CYP19A1: variants seen among roughly 807,000 people sequenced by gnomAD.
CYP19A1 encodes the protein cytochrome P450 family 19 subfamily A member 1.
CYP19A1 carries 32 observed loss-of-function variants against 44.4 expected under a neutral mutation model. The ratio of observed to expected loss-of-function variants is 0.72; its 90% confidence interval spans 0.54 to 0.97. The LOEUF (loss-of-function observed/expected upper bound fraction) is 0.97. CYP19A1 is among the 50% of genes least tolerant of loss of function. The pLI is 0.00. For missense variants in CYP19A1, 598 were observed against 637.8 expected, an observed-to-expected ratio of 0.94 and a Z score of 0.67; for synonymous variants, 212 against 215.6, an observed-to-expected ratio of 0.98 and a Z score of 0.14.
chr15:51,278,621 A>G (rs1423547285), intron 1 of CYP19A1, among the ~76,000 whole-genome samples: 2 of 152,250 alleles, frequency 1.3e-5, no homozygotes, highest in African/African-American at 4.8e-5. Flanking sequence ...ATCCGAAGTG[A>G]TCTTAGCCTT....
chr15:51,244,442 T>C (rs775694001), intron 1 of CYP19A1, among the ~76,000 whole-genome samples: 5 of 152,226 alleles, frequency 3.3e-5, no homozygotes, highest in Admixed American at 2.0e-4. Context: ...CACATTGTGC[T>C]TATGTTGAGC....
At position 51,306,596 on chromosome 15, in the gene CYP19A1, C is replaced by T. The variant is rs143365677; in HGVS notation, c.-39+31899G>A. On this transcript the variant is annotated intron_variant, in intron 1 of 9. Coordinates refer to ENST00000396402, the MANE Select transcript of CYP19A1 (RefSeq NM_000103.4). ...AAGGGCCCTAAATCCCCACTGGAAA[C>T]ATTTTTAATGACAAAGTTATCTTTA... Among the ~76,000 whole-genome samples the T allele has an allele frequency of 2.9e-3, 448 of 152,228 alleles. 3 individuals are homozygous for T. Among genetic ancestry groups the T allele is most frequent in the African/African-American group, 0.01 (430 of 41,556 alleles).
chr15:51,231,448 T>C (rs2033025975), intron 3 of CYP19A1, among the ~76,000 whole-genome samples: 2 of 152,248 alleles, frequency 1.3e-5, no homozygotes, highest in Admixed American at 1.3e-4. Context: ...AAAAAATTAC[T>C]GTCAATCATT....
At chr15:51,272,207 G>A (rs567572713) in intron 1 of CYP19A1, among the ~76,000 whole-genome samples, 18 of 151,924 alleles carry the variant, frequency 1.2e-4, no homozygotes, top group African/African-American at 4.4e-4. Flanking sequence ...TCCTATCCTC[G>A]TATTTCTTCT....
intron 1 of CYP19A1, among the ~76,000 whole-genome samples, chr15:51,250,879 G>A (rs187153348): frequency 1.3e-5 from 2 of 152,334 alleles, no homozygotes; most frequent in Admixed American, 1.3e-4. Flanking sequence ...CCCCAGAGTA[G>A]ATAAGGTAGT....
chr15:51,287,570 A>AT (rs1367874210), intron 1 of CYP19A1, among the ~76,000 whole-genome samples: 1 of 152,166 alleles, frequency 6.6e-6, no homozygotes, highest in African/African-American at 2.4e-5. Context: ...AGCCTCTCCC[A>AT]TGCAGGCTTT....
chr15:51,283,705 C>T (rs2035606780), intron 1 of CYP19A1, among the ~76,000 whole-genome samples: 2 of 152,180 alleles, frequency 1.3e-5, no homozygotes, highest in South Asian at 4.1e-4. Context: ...CTGGTGTATG[C>T]CCCCATTGTA....
chr15:51,291,522 G>T (rs1026034295), intron 1 of CYP19A1, among the ~76,000 whole-genome samples: 1 of 152,128 alleles, frequency 6.6e-6, no homozygotes, highest in Non-Finnish European at 1.5e-5. Flanking sequence ...CATTTCAAAG[G>T]CCACACAGAA....
At chr15:51,321,188 C>T (rs1172232558) in intron 1 of CYP19A1, 1 of 153,084 alleles carries the variant, frequency 6.5e-6, no homozygotes, top group Non-Finnish European at 1.5e-5. Context: ...GGCCAAGCCC[C>T]ACATAGAAGT....
Position 51,223,571 on chromosome 15 carries a change from GCT to G in CYP19A1, c.452-1048_452-1047del, listed in dbSNP as rs763852095. Among the ~76,000 whole-genome samples, 78 of 110,674 alleles carry G rather than the reference GCT, an allele frequency of 7.0e-4. 1 individual carries two copies. The highest frequency in any genetic ancestry group is 1.7e-3 in the African/African-American group (51 of 29,708). The allele number at this position is 110,674 out of a possible 152,430, so 72.6% of individuals were successfully genotyped here. A position where few individuals can be genotyped will look rare whatever the true frequency, so the allele number is the denominator to read the frequency against. Reference sequence around the variant, plus strand: ...AGACTATCCTCTCTCTCTCTCTCTTGCTCTCTCTCTCTCTCTCTCTCTCACAC... The same window carrying G: ...AGACTATCCTCTCTCTCTCTCTCTTGCTCTCTCTCTCTCTCTCTCTCACAC... On this transcript the variant is annotated intron_variant, in intron 4 of 9. Transcript: ENST00000396402.
chr15:51,308,896 A>G (rs963420549), intron 1 of CYP19A1, among the ~76,000 whole-genome samples: 1 of 152,154 alleles, frequency 6.6e-6, no homozygotes, highest in African/African-American at 2.4e-5. Context: ...GACACACGGC[A>G]CCTACTTGTG....
chr15:51,261,148 A>G (rs2034704294), intron 1 of CYP19A1, among the ~76,000 whole-genome samples: 1 of 152,192 alleles, frequency 6.6e-6, no homozygotes, highest in Non-Finnish European at 1.5e-5. Flanking sequence ...ATCGAGCTGA[A>G]CACTAGTTGC....
At chr15:51,309,861 G>T (rs59731284) in intron 1 of CYP19A1, among the ~76,000 whole-genome samples, 1 of 152,022 alleles carries the variant, frequency 6.6e-6, no homozygotes, top group African/African-American at 2.4e-5. Context: ...TATTCCACTC[G>T]CCCATGAGCT....
At chr15:51,264,006 G>C (rs1392108815) in intron 1 of CYP19A1, among the ~76,000 whole-genome samples, 1 of 152,206 alleles carries the variant, frequency 6.6e-6, no homozygotes, top group Non-Finnish European at 1.5e-5. Flanking sequence ...AAAGGATTTA[G>C]TGGTATTTTT....
At chr15:51,221,986 T>G (rs2032125410) in intron 5 of CYP19A1, 1 of 406,932 alleles carries the variant, frequency 2.5e-6, no homozygotes, top group African/African-American at 2.0e-5. Flanking sequence ...TGTATGTATA[T>G]ATCATGCCCA....
intron 9 of CYP19A1, chr15:51,211,758 C>T (rs2141032353): frequency 5.1e-6 from 2 of 393,840 alleles, no homozygotes; most frequent in Middle Eastern, 7.2e-4. Flanking sequence ...TAAAATTTGA[C>T]ATAATGAAGG....
intron 1 of CYP19A1, among the ~76,000 whole-genome samples, chr15:51,261,016 C>T (rs2034696246): frequency 6.6e-6 from 1 of 152,208 alleles, no homozygotes; most frequent in Non-Finnish European, 1.5e-5. Flanking sequence ...TTGACTCCCA[C>T]CTCTCCGGAT....
intron 1 of CYP19A1, among the ~76,000 whole-genome samples, chr15:51,250,888 G>A (rs946504579): frequency 1.5e-4 from 23 of 152,338 alleles, no homozygotes; most frequent in African/African-American, 5.5e-4. Context: ...AGATAAGGTA[G>A]TGGAATTTTC....
chr15:51,335,158 G>A (rs952400486), intron 1 of CYP19A1, among the ~76,000 whole-genome samples: 4 of 151,198 alleles, frequency 2.6e-5, no homozygotes, highest in Non-Finnish European at 4.4e-5. Context: ...CACTAGAAAG[G>A]TGGAGTGGGG....
Sources: gnomAD v4.1 joint callset for allele counts (sites outside exome capture counted in the v4.1 genomes callset) on GRCh38, gnomAD v4.1.1 for gene constraint, MANE v1.5 for transcripts, NCBI Gene and HGNC (gene_info 2026-07-23, HGNC 2026-07-21) for gene names.